CLEC3A: variants seen among roughly 807,000 people sequenced by gnomAD.
The protein encoded by CLEC3A is C-type (calcium dependent, carbohydrate-recognition domain) lectin, superfamily member 1 (cartilage-derived).
In CLEC3A, 28 loss-of-function variants were observed where a neutral mutation model predicts 20.4. That is an observed-to-expected ratio of 1.37 (90% confidence interval 1.02 to 1.88). CLEC3A has a LOEUF of 1.88. CLEC3A is among the 40% of genes most tolerant of loss of function. CLEC3A has a pLI of 0.00. For synonymous variants in CLEC3A, 110 were observed against 88.1 expected (o/e 1.25, Z -1.39); for missense variants, 357 against 240.4 (o/e 1.48, Z -3.21).
intron 1 of CLEC3A, among the ~76,000 whole-genome samples, chr16:78,026,948 A>T (rs1355429666): frequency 6.6e-6 from 1 of 152,182 alleles, no homozygotes; most frequent in African/African-American, 2.4e-5. Context: ...GTTGAGTCGG[A>T]ACACTGGGGA....
rs766693018 is a variant in CLEC3A at position 78,030,737 on chromosome 16, C to A, written c.490C>A (p.Arg164=). 2.5e-6 allele frequency: 4 copies of A among 1,613,948 alleles called. No individual in the cohort carries two copies. In the African/African-American group the frequency reaches 4.0e-5, roughly 16 times the overall value. ...WDRAQPNGGK[R]ENCVLFSQSA... ...CCGTGCACAGCCTAACGGTGGCAAG[C>A]GAGAAAACTGTGTCCTGTTCTCCCA... The change falls in exon 3 of 3, where the codon CGA becomes AGA. Residue 164 remains arginine (R), a synonymous_variant. Coordinates refer to ENST00000299642, the MANE Select transcript of CLEC3A (RefSeq NM_005752.6).
rs1274632406 is a variant in CLEC3A, at chr16:78,030,885, A to C, written c.*44A>C. On this transcript the variant is annotated 3_prime_UTR_variant, in exon 3 of 3. Coordinates refer to ENST00000299642, the MANE Select transcript of CLEC3A (RefSeq NM_005752.6). ...CTCCAAGCAAGATTCATCATAACTT[A>C]TAGGTTCATGATCTCTAAGATCAAG... 4 of 1,543,136 alleles carry C rather than the reference A, an allele frequency of 2.6e-6. No individual in the cohort carries two copies. The highest frequency in any genetic ancestry group is 3.5e-6 in the Non-Finnish European group (4 of 1,144,874).
In CLEC3A at chr16:78,022,725, C is replaced by G. The variant is rs2018765707; in HGVS notation, c.99C>G (p.Ser33Arg). The G allele has an allele frequency of 1.1e-5, 17 of 1,614,170 alleles. No individual in the cohort carries two copies. Among genetic ancestry groups the G allele is most frequent in the Non-Finnish European group, 1.4e-5 (16 of 1,180,026 alleles). The change falls in exon 1 of 3, where the codon AGC (serine) becomes AGG (arginine). Residue 33 changes from serine (S) to arginine (R), a missense_variant. Ser to Arg is a moderately radical substitution (Grantham distance 110). Transcript: ENST00000299642. The part of the protein sequence containing the change: ...HTSRLKARKH[S>R]KRRVRDKDGD... ...CCAGATTAAAAGCCAGGAAGCACAGCAAACGTCGAGTGAGAGGTAATGGGG... is the reference window on the plus strand; with the variant it reads ...CCAGATTAAAAGCCAGGAAGCACAGGAAACGTCGAGTGAGAGGTAATGGGG...
chr16:78,028,324 G>A (rs1055735429), intron 2 of CLEC3A, 134 bp downstream of exon 2: 168 of 575,466 alleles, frequency 2.9e-4, no homozygotes, highest in Non-Finnish European at 7.4e-5. Context: ...CCCAATGCCG[G>A]GAGATGATTG....
chr16:78,024,709 A>G (rs959452264), intron 1 of CLEC3A, among the ~76,000 whole-genome samples: 1 of 152,152 alleles, frequency 6.6e-6, no homozygotes, highest in Admixed American at 6.5e-5. Flanking sequence ...ATATAATAAT[A>G]CCAGTGTTAA....
chr16:78,030,257 G>A (rs1343527760), intron 2 of CLEC3A, among the ~76,000 whole-genome samples, 190 bp from the exon 3 acceptor site: 1 of 151,992 alleles, frequency 6.6e-6, no homozygotes, highest in Admixed American at 6.6e-5. Flanking sequence ...ACTTCATGGG[G>A]TTGTCAGGAT....
chr16:78,027,921 G>T (rs146606123), intron 1 of CLEC3A, among the ~76,000 whole-genome samples, 186 bp from the exon 2 acceptor site: 54 of 152,372 alleles, frequency 3.5e-4, no homozygotes, highest in African/African-American at 1.2e-3. Flanking sequence ...CTCCCCAAGT[G>T]CTGGGATTAC....
chr16:78,030,653 G>C lies in CLEC3A; in HGVS notation c.406G>C (p.Val136Leu). 1 of 1,614,118 alleles carries C rather than the reference G, an allele frequency of 6.2e-7. No individual in the cohort carries two copies. The highest frequency in any genetic ancestry group is 1.1e-5 in the South Asian group (1 of 91,070). Residue 136 changes from valine to leucine, a missense_variant, in exon 3 of 3, where the codon GTC (valine) becomes CTC (leucine). Coordinates refer to ENST00000299642, the MANE Select transcript of CLEC3A (RefSeq NM_005752.6). ...NDFWLGINDMVTEGKFVDVNG... is the reference protein window; with the variant it reads ...NDFWLGINDMLTEGKFVDVNG... ...CTTTTGGCTGGGCATCAATGACATG[G>C]TCACGGAAGGCAAGTTTGTTGACGT...
intron 1 of CLEC3A, among the ~76,000 whole-genome samples, chr16:78,027,134 G>A (rs2029947555): frequency 6.6e-6 from 1 of 152,106 alleles, no homozygotes; most frequent in African/African-American, 2.4e-5. Flanking sequence ...GTATTCACTA[G>A]ACAATATTAT....
intron 1 of CLEC3A, 85 bp from the exon 2 acceptor site, chr16:78,028,022 T>G (rs2029975586): frequency 1.1e-6 from 1 of 924,408 alleles, no homozygotes. Context: ...ACTATTGCCT[T>G]GGGTCCTACA....
intron 1 of CLEC3A, among the ~76,000 whole-genome samples, chr16:78,023,385 A>T (rs936310556): frequency 3.3e-5 from 5 of 152,282 alleles, no homozygotes; most frequent in African/African-American, 1.2e-4. Context: ...TGCAAAACTG[A>T]ATCTCCCAGG....
Position 78,030,713 on chromosome 16 carries a change from C to A in CLEC3A, c.466C>A (p.Arg156Ser). The change falls in exon 3 of 3, where the codon CGT (arginine) becomes AGT (serine). Residue 156 changes from arginine to serine, a missense_variant. Physicochemically the swap from Arg to Ser is moderately radical, Grantham distance 110 (BLOSUM62 -1). Transcript: ENST00000299642. ...CGCTATCTCCTTCCTCAACTGGGAC[C>A]GTGCACAGCCTAACGGTGGCAAGCG... ...GIAISFLNWD[R>S]AQPNGGKREN... 6.2e-7 allele frequency: 1 copy of A among 1,614,134 alleles called. No homozygotes were observed. Among genetic ancestry groups the A allele is most frequent in the Non-Finnish European group, 8.5e-7 (1 of 1,180,030 alleles).
intron 1 of CLEC3A, among the ~76,000 whole-genome samples, chr16:78,025,924 C>T (rs934631049): frequency 6.6e-6 from 1 of 152,112 alleles, no homozygotes; most frequent in African/African-American, 2.4e-5. Context: ...CAGTAGAGGC[C>T]ACTTATTTAA....
intron 2 of CLEC3A, among the ~76,000 whole-genome samples, chr16:78,030,166 A>AAG (rs984743168): frequency 6.6e-6 from 1 of 151,686 alleles, no homozygotes; most frequent in African/African-American, 2.4e-5. Flanking sequence ...AAAAAAAAAA[A>AAG]AAAAATGCTA....
At chr16:78,025,036 A>G (rs2018794932) in intron 1 of CLEC3A, among the ~76,000 whole-genome samples, 1 of 152,188 alleles carries the variant, frequency 6.6e-6, no homozygotes, top group African/African-American at 2.4e-5. Context: ...GGGTTTCACC[A>G]TGTTGGCCAG....
chr16:78,022,724 G>A lies in CLEC3A; in HGVS notation c.98G>A (p.Ser33Asn), dbSNP rs1391742880. 3 of 1,614,168 alleles carry A rather than the reference G, an allele frequency of 1.9e-6. No homozygotes were observed. The Admixed American group carries it at 5.0e-5, about 27-fold the overall frequency. ...HTSRLKARKH[S>N]KRRVRDKDGD... Reference sequence around the variant, plus strand: ...TCCAGATTAAAAGCCAGGAAGCACAGCAAACGTCGAGTGAGAGGTAATGGG... The same window carrying A: ...TCCAGATTAAAAGCCAGGAAGCACAACAAACGTCGAGTGAGAGGTAATGGG... Residue 33 changes from serine (S) to asparagine (N), a missense_variant, in exon 1 of 3, where the codon AGC becomes AAC. Physicochemically the swap from Ser to Asn is conservative, Grantham distance 46. Transcript: ENST00000299642.
chr16:78,024,486 G>A (rs1396695903), intron 1 of CLEC3A, among the ~76,000 whole-genome samples: 5 of 151,598 alleles, frequency 3.3e-5, no homozygotes, highest in African/African-American at 7.3e-5. Flanking sequence ...AACCACATGT[G>A]CATGCACATG....
intron 2 of CLEC3A, 43 bp downstream of exon 2, chr16:78,028,233 G>A (rs1483315224): frequency 2.8e-6 from 4 of 1,429,366 alleles, no homozygotes; most frequent in South Asian, 2.7e-5. Flanking sequence ...AAAGGAGACA[G>A]GAAAATTTCT....
At chr16:78,029,015 G>A in intron 2 of CLEC3A, 1 of 414,554 alleles carries the variant, frequency 2.4e-6, no homozygotes. Flanking sequence ...TTATGCAGAA[G>A]GTGAGTTTGG....
Sources: allele counts gnomAD v4.1 joint callset (sites outside exome capture counted in the v4.1 genomes callset), GRCh38; gene constraint gnomAD v4.1.1; transcripts MANE v1.5; gene names NCBI Gene and HGNC (gene_info 2026-07-23, HGNC 2026-07-21).